MANBA: variants seen among roughly 807,000 people sequenced by gnomAD.
MANBA encodes the protein mannosidase beta, also known as beta-mannosidase.
In MANBA, 83 loss-of-function variants were observed where a neutral mutation model predicts 111.1. That is an observed-to-expected ratio of 0.75 (90% CI 0.63 to 0.90). MANBA has a LOEUF of 0.90. MANBA is among the 40% of genes least tolerant of loss of function. MANBA has a pLI of 0.00. For missense variants in MANBA, 1,036 were observed against 1,069.0 expected (o/e 0.97, Z 0.43); for synonymous variants, 370 against 378.7 (o/e 0.98, Z 0.27).
At chr4:102,694,324 C>A (rs1458570739) in intron 5 of MANBA, among the ~76,000 whole-genome samples, 1 of 152,136 alleles carries the variant, frequency 6.6e-6, no homozygotes, top group Non-Finnish European at 1.5e-5. Flanking sequence ...ATAGAGTAAA[C>A]CCCTTCCTTC....
At position 102,657,844 on chromosome 4, in the gene MANBA, AAC is replaced by A. The variant is rs775574131; in HGVS notation, c.1540_1541del (p.Val514CysfsTer10). ...GGTTTTGAGAGACCCAGGCTTCTGC[AAC>A]AGTTTCAGCCCCATTTGTAGGACTG... is the stretch of plus-strand genomic sequence containing the variant. The part of the protein sequence containing the change: ...TSSPTNGAET[V>X]AEAWVSQNPN... On this transcript the variant is annotated frameshift_variant, in exon 12 of 17. Coordinates refer to ENST00000647097, the MANE Select transcript of MANBA (RefSeq NM_005908.4). LOFTEE classifies it high-confidence loss of function. 5.5e-5 allele frequency: 89 copies of A among 1,613,896 alleles called. No homozygotes were observed. Among genetic ancestry groups the A allele is most frequent in the Non-Finnish European group, 7.5e-5 (88 of 1,179,890 alleles).
chr4:102,752,139 C>G, intron 1 of MANBA: 2 of 771,084 alleles, frequency 2.6e-6, no homozygotes, highest in East Asian at 2.4e-5. Flanking sequence ...GTGACCCTCT[C>G]TGGTCACAAG....
chr4:102,718,021 G>T (rs1335909644), intron 4 of MANBA, among the ~76,000 whole-genome samples: 1 of 152,246 alleles, frequency 6.6e-6, no homozygotes, highest in Non-Finnish European at 1.5e-5. Context: ...TGCAAGGCAT[G>T]ACTGAACTCA....
intron 1 of MANBA, among the ~76,000 whole-genome samples, chr4:102,750,401 T>C (rs1418934539): frequency 1.3e-5 from 2 of 152,162 alleles, no homozygotes; most frequent in African/African-American, 4.8e-5. Context: ...TGTGGAAGGT[T>C]AGTATAACAA....
At chr4:102,735,044 C>T (rs566638126) in intron 1 of MANBA, among the ~76,000 whole-genome samples, 15 of 152,288 alleles carry the variant, frequency 9.8e-5, no homozygotes, top group African/African-American at 3.1e-4. Context: ...GCTAATCAGT[C>T]ACCTTTTTTG....
At chr4:102,650,769 T>C in intron 12 of MANBA, 68 bp from the exon 13 acceptor site, 1 of 1,266,934 alleles carries the variant, frequency 7.9e-7, no homozygotes, top group Non-Finnish European at 1.1e-6. Context: ...TATAAGTTCC[T>C]GACAAACCTG....
chr4:102,738,081 C>G (rs892307233), intron 1 of MANBA, among the ~76,000 whole-genome samples: 1 of 152,226 alleles, frequency 6.6e-6, no homozygotes, highest in Non-Finnish European at 1.5e-5. Context: ...TTATATCCCC[C>G]CTTCTGCTAC....
intron 13 of MANBA, among the ~76,000 whole-genome samples, chr4:102,644,262 T>A (rs1359058115): frequency 3.3e-5 from 5 of 152,190 alleles, no homozygotes; most frequent in Non-Finnish European, 7.4e-5. Context: ...AACTACTATA[T>A]GATCCAGCAG....
At chr4:102,697,892 CA>C (rs1732805742) in intron 5 of MANBA, among the ~76,000 whole-genome samples, 1 of 152,006 alleles carries the variant, frequency 6.6e-6, no homozygotes, top group African/African-American at 2.4e-5. Context: ...ATGGCTGGGT[CA>C]AATGGTATTT....
intron 10 of MANBA, 134 bp downstream of exon 10, chr4:102,668,829 T>G: frequency 1.4e-6 from 1 of 716,608 alleles, no homozygotes; most frequent in Non-Finnish European, 2.5e-6. Flanking sequence ...TCACCTAGGA[T>G]GTCAATTACC....
intron 7 of MANBA, among the ~76,000 whole-genome samples, chr4:102,681,251 T>G (rs978593215): frequency 6.6e-6 from 1 of 152,084 alleles, no homozygotes; most frequent in African/African-American, 2.4e-5. Flanking sequence ...GAGGATAAGG[T>G]AGGAGGATCA....
chr4:102,680,165 T>C (rs1446236520), intron 7 of MANBA, among the ~76,000 whole-genome samples: 1 of 152,242 alleles, frequency 6.6e-6, no homozygotes, highest in African/African-American at 2.4e-5. Flanking sequence ...TTTTTCTATG[T>C]AAATGTTGAT....
rs1486010890 is a variant in MANBA, at chr4:102,634,956, A to G, written c.2247T>C (p.Leu749=). The G allele has an allele frequency of 3.7e-6, 6 of 1,614,066 alleles. No individual in the cohort carries two copies. The highest frequency in any genetic ancestry group is 5.1e-6 in the Non-Finnish European group (6 of 1,180,042). ...FVMKGGEAVC[L]YEEPVSELLR... is the part of the protein sequence containing the mutation. ...GCAATTCAGACACTGGCTCCTCATA[A>G]AGGCAGACAGCCTCTCCTCCTTTCA... The change falls in exon 16 of 17, where the codon CTT becomes CTC. Residue 749 remains leucine (L), a synonymous_variant. Coordinates refer to ENST00000647097, the MANE Select transcript of MANBA (RefSeq NM_005908.4).
At chr4:102,699,051 T>C (rs942907241) in intron 5 of MANBA, among the ~76,000 whole-genome samples, 1 of 151,904 alleles carries the variant, frequency 6.6e-6, no homozygotes, top group Non-Finnish European at 1.5e-5. Flanking sequence ...GGTTTGTAGT[T>C]CTCCTTGAAG....
At chr4:102,658,796 C>T (rs1730706897) in intron 11 of MANBA, 1 of 152,216 alleles carries the variant, frequency 6.6e-6, no homozygotes, top group African/African-American at 2.4e-5. Context: ...GCAGCCCTTT[C>T]ATAGTGTCAG....
Position 102,688,947 on chromosome 4 carries a change from T to C in MANBA, c.960+627A>G, listed in dbSNP as rs144071080. 7.6e-3 allele frequency among the ~76,000 whole-genome samples: 1,159 copies of C among 152,304 alleles called. 13 individuals are homozygous for C. The highest frequency in any genetic ancestry group is 8.8e-3 in the Non-Finnish European group (597 of 68,008). On this transcript the variant is annotated intron_variant, in intron 7 of 16. Transcript: ENST00000647097. ...CTTATTTTTCATATAAACTTACTAGTAATATTTGAGTTTTAAAATTACACA... is the reference window on the plus strand; with the variant it reads ...CTTATTTTTCATATAAACTTACTAGCAATATTTGAGTTTTAAAATTACACA...
chr4:102,689,735 A>C, intron 6 of MANBA, 51 bp from the exon 7 acceptor site: 7 of 1,041,896 alleles, frequency 6.7e-6, no homozygotes, highest in Non-Finnish European at 1.1e-5. Context: ...TTCAGCAAAA[A>C]AGGCTCAAAG....
chr4:102,719,170 C>G (rs530453133), intron 4 of MANBA, among the ~76,000 whole-genome samples: 46 of 152,308 alleles, frequency 3.0e-4, no homozygotes, highest in Admixed American at 7.8e-4. Flanking sequence ...AAGACAGACA[C>G]TCCCAGGGTG....
At chr4:102,695,445 G>A (rs1732664908) in intron 5 of MANBA, among the ~76,000 whole-genome samples, 2 of 152,102 alleles carry the variant, frequency 1.3e-5, no homozygotes, top group Non-Finnish European at 2.9e-5. Flanking sequence ...TTGTAATAAA[G>A]ACTCAAGTAT....
Sources: allele counts gnomAD v4.1 joint callset (sites outside exome capture counted in the v4.1 genomes callset), GRCh38; gene constraint gnomAD v4.1.1; transcripts MANE v1.5; gene names NCBI Gene and HGNC (gene_info 2026-07-23, HGNC 2026-07-21).